Variants in DPP10 observed in about 807,000 individuals in gnomAD.
DPP10 encodes dipeptidyl peptidase like 10, also known as inactive dipeptidyl peptidase 10.
Under a neutral mutation model 120.9 loss-of-function variants are expected in DPP10, and 33 were observed. The observed-to-expected ratio is 0.27, with a 90% CI of 0.21 to 0.37. The LOEUF (loss-of-function observed/expected upper bound fraction) is 0.37. Ranked by LOEUF, DPP10 falls within the 10% of genes least tolerant of loss-of-function variation. DPP10 has a pLI of 1.00. For missense variants in DPP10, 816 were observed against 942.8 expected (o/e 0.87, Z 1.76); for synonymous variants, 337 against 326.1 (o/e 1.03, Z -0.36).
chr2:114,748,294 A>T (rs1358918956), intron 1 of DPP10, among the ~76,000 whole-genome samples: 1 of 145,322 alleles, frequency 6.9e-6, no homozygotes, highest in African/African-American at 2.6e-5. Context: ...AGAAACATGC[A>T]TCTTGAGCAT....
At chr2:115,122,467 A>C (rs1168211074) in intron 1 of DPP10, among the ~76,000 whole-genome samples, 1 of 152,206 alleles carries the variant, frequency 6.6e-6, no homozygotes, top group Non-Finnish European at 1.5e-5. Flanking sequence ...GGGCCAGCCT[A>C]TATCTTTGTT....
intron 1 of DPP10, among the ~76,000 whole-genome samples, chr2:114,618,664 C>G (rs913015466): frequency 6.6e-6 from 1 of 151,818 alleles, no homozygotes; most frequent in Non-Finnish European, 1.5e-5. Context: ...ATAATCAAAA[C>G]AAAAGTAACA....
intron 1 of DPP10, among the ~76,000 whole-genome samples, chr2:114,846,949 T>A (rs1338116066): frequency 6.6e-6 from 1 of 152,144 alleles, no homozygotes; most frequent in Non-Finnish European, 1.5e-5. Flanking sequence ...CTGCTTAAAT[T>A]CTTTCATTAG....
In DPP10 at chr2:115,836,556, C is replaced by T; in HGVS notation, c.2100C>T (p.Ser700=). Residue 700 remains serine, a synonymous_variant, in exon 23 of 26, where the codon AGC becomes AGT. Transcript: ENST00000410059. The part of the protein sequence containing the change: ...RYLGMPSKEE[S]TYQAASVLHN... ...TTGGGATGCCATCTAAGGAAGAAAG[C>T]ACTTACCAGGTAACTAATTTGAAAA... is the stretch of plus-strand genomic sequence containing the variant. 3 of 1,613,590 alleles carry T rather than the reference C, an allele frequency of 1.9e-6. No individual in the cohort carries two copies. The highest frequency in any genetic ancestry group is 1.7e-6 in the Non-Finnish European group (2 of 1,179,818).
chr2:114,587,480 T>G (rs1416556347), intron 1 of DPP10, among the ~76,000 whole-genome samples: 1 of 152,076 alleles, frequency 6.6e-6, no homozygotes, highest in African/African-American at 2.4e-5. Flanking sequence ...ATTCATTTAC[T>G]GTCCATTTGT....
chr2:114,989,354 G>A (rs1400125858), intron 1 of DPP10, among the ~76,000 whole-genome samples: 2 of 152,100 alleles, frequency 1.3e-5, no homozygotes, highest in Non-Finnish European at 2.9e-5. Context: ...CATAAGACCT[G>A]GACCTGCGTG....
At chr2:114,665,218 A>G (rs1697829218) in intron 1 of DPP10, among the ~76,000 whole-genome samples, 1 of 152,196 alleles carries the variant, frequency 6.6e-6, no homozygotes, top group African/African-American at 2.4e-5. Flanking sequence ...ACTGGACCCC[A>G]GTAACCAGAG....
rs190087448 is a variant in DPP10 at position 115,615,431 on chromosome 2, C to T, written c.442-74256C>T. 3.0e-3 allele frequency among the ~76,000 whole-genome samples: 459 copies of T among 152,108 alleles called. 2 individuals are homozygous for T. Among genetic ancestry groups the T allele is most frequent in the African/African-American group, 0.011 (436 of 41,478 alleles). On this transcript the variant is annotated intron_variant, in intron 5 of 25. Coordinates refer to ENST00000410059, the MANE Select transcript of DPP10 (RefSeq NM_020868.6). ...GGACTTACTATAAATTCTAGAATGG[C>T]GGGATGTTATGAACGGCATCGCACA...
At chr2:114,942,298 C>CATATATATATATATATATAT (rs752991108) in intron 1 of DPP10, among the ~76,000 whole-genome samples, 27 of 104,658 alleles carry the variant, frequency 2.6e-4, no homozygotes, top group African/African-American at 9.9e-4. Flanking sequence ...TATATATATA[C>CATATATATATATATATATAT]ATATATATAT....
intron 1 of DPP10, among the ~76,000 whole-genome samples, chr2:114,920,345 T>A (rs1408801946): frequency 6.6e-6 from 1 of 152,242 alleles, no homozygotes; most frequent in Non-Finnish European, 1.5e-5. Context: ...CATCCAGCTG[T>A]GACTCATACC....
At chr2:114,806,664 C>A (rs7574948) in intron 1 of DPP10, among the ~76,000 whole-genome samples, 5,061 of 152,164 alleles carry the variant, frequency 0.033, 281 homozygotes, top group African/African-American at 0.11. Flanking sequence ...TTAATTTTAC[C>A]TATTTCCTAA....
At chr2:115,109,620 A>G (rs2049118013) in intron 1 of DPP10, among the ~76,000 whole-genome samples, 1 of 152,252 alleles carries the variant, frequency 6.6e-6, no homozygotes, top group Non-Finnish European at 1.5e-5. Context: ...ATTTCAGTTT[A>G]AAGAATTGTA....
chr2:114,672,345 C>G lies in DPP10; in HGVS notation c.60+229507C>G, dbSNP rs74693276. On this transcript the variant is annotated intron_variant, in intron 1 of 25. Transcript: ENST00000410059. ...CATATTTTCTTTCTGCAAGTTATCC[C>G]TTTTTCTGTCTTTCTCTTTCTCCCC... Among the ~76,000 whole-genome samples, 268 of 152,210 alleles carry G rather than the reference C, an allele frequency of 1.8e-3. 6 individuals are homozygous for G. The East Asian group carries it at 0.045, about 26-fold the overall frequency.
At chr2:114,814,476 G>C (rs894637532) in intron 1 of DPP10, among the ~76,000 whole-genome samples, 1 of 151,468 alleles carries the variant, frequency 6.6e-6, no homozygotes, top group African/African-American at 2.4e-5. Flanking sequence ...TTTTTAAAAA[G>C]TAACAATAAG....
intron 1 of DPP10, chr2:115,297,186 A>G (rs1559382279): frequency 4.6e-6 from 1 of 219,234 alleles, no homozygotes; most frequent in Non-Finnish European, 9.9e-6. Context: ...GAGTGGGGGT[A>G]GGTTTTGTGA....
intron 1 of DPP10, among the ~76,000 whole-genome samples, chr2:114,517,645 G>C (rs1035954597): frequency 6.6e-5 from 10 of 152,278 alleles, no homozygotes; most frequent in Middle Eastern, 3.4e-3. Flanking sequence ...GCCATTATGT[G>C]AATCCAAATA....
intron 1 of DPP10, among the ~76,000 whole-genome samples, chr2:114,813,672 T>C (rs2106330516): frequency 6.6e-6 from 1 of 152,274 alleles, no homozygotes; most frequent in South Asian, 2.1e-4. Flanking sequence ...TCCAAGTGCT[T>C]GTCACCATTG....
intron 1 of DPP10, among the ~76,000 whole-genome samples, chr2:114,992,073 A>C (rs1040759529): frequency 2.0e-5 from 3 of 152,242 alleles, no homozygotes; most frequent in Admixed American, 1.3e-4. Flanking sequence ...CTTTTTACAT[A>C]AAGCCCAATT....
At chr2:115,014,315 T>C (rs948970803) in intron 1 of DPP10, among the ~76,000 whole-genome samples, 1 of 152,114 alleles carries the variant, frequency 6.6e-6, no homozygotes, top group Non-Finnish European at 1.5e-5. Context: ...AGACACAATA[T>C]AGCAGAATCT....
Sources: gnomAD v4.1 joint callset for allele counts (sites outside exome capture counted in the v4.1 genomes callset) on GRCh38, gnomAD v4.1.1 for gene constraint, MANE v1.5 for transcripts, NCBI Gene and HGNC (gene_info 2026-07-23, HGNC 2026-07-21) for gene names.